Variants in SLC10A2 observed in about 807,000 individuals in gnomAD.
SLC10A2 encodes the protein ileal sodium/bile acid cotransporter.
A neutral mutation model predicts 27.1 loss-of-function variants in SLC10A2; 34 were observed. The ratio of observed to expected loss-of-function variants is 1.26; its 90% CI spans 0.96 to 1.67. SLC10A2 has a LOEUF of 1.67. SLC10A2 is among the 40% of genes most tolerant of loss of function. The pLI is 0.00. For missense variants in SLC10A2, 530 were observed against 444.4 expected, an observed-to-expected ratio of 1.19 and a Z score of -1.73; for synonymous variants, 205 against 174.0, an observed-to-expected ratio of 1.18 and a Z score of -1.40.
chr13:103,051,370 G>A lies in SLC10A2; in HGVS notation c.648C>T (p.Tyr216=). The change falls in exon 4 of 6, where the codon TAC becomes TAT. Residue 216 remains tyrosine, a synonymous_variant. Coordinates refer to ENST00000245312, the MANE Select transcript of SLC10A2 (RefSeq NM_000452.3). ...VLIAVVGGIL[Y]QSAWIIAPKL... ...TGGGAGCAATGATCCAGGCGCTTTG[G>A]TACAATATTCCTCCAACCACAGCTA... is the stretch of plus-strand genomic sequence containing the variant. 1.2e-6 allele frequency: 2 copies of A among 1,613,954 alleles called. No individual in the cohort carries two copies. The highest frequency in any genetic ancestry group is 2.2e-5 in the South Asian group (2 of 91,070).
intron 5 of SLC10A2, among the ~76,000 whole-genome samples, chr13:103,046,981 ATAGT>A: frequency 6.6e-6 from 1 of 152,296 alleles, no homozygotes; most frequent in South Asian, 2.1e-4. Flanking sequence ...AGTTTTATCC[ATAGT>A]TAAAGTGCTA....
At chr13:103,061,863 T>G (rs971270909) in intron 1 of SLC10A2, among the ~76,000 whole-genome samples, 1 of 152,094 alleles carries the variant, frequency 6.6e-6, no homozygotes, top group African/African-American at 2.4e-5. Context: ...TAAGAAATAA[T>G]ATAGAAGCCT....
intron 2 of SLC10A2, among the ~76,000 whole-genome samples, chr13:103,053,440 C>A (rs541416499): frequency 6.6e-6 from 1 of 152,196 alleles, no homozygotes; most frequent in African/African-American, 2.4e-5. Flanking sequence ...ACTTCAATTT[C>A]ACCATGTTAA....
At position 103,044,553 on chromosome 13, in the gene SLC10A2, G is replaced by C. The variant is rs972303982; in HGVS notation, c.*1580C>G. ...TGAAGTACTTATTCAACTGTAAATG[G>C]AAATCTTGCATAAAAAGATCAATGT... On this transcript the variant is annotated 3_prime_UTR_variant, in exon 6 of 6. Transcript: ENST00000245312. 1.3e-5 allele frequency: 2 copies of C among 152,120 alleles called. No homozygotes were observed. Among genetic ancestry groups the C allele is most frequent in the African/African-American group, 4.8e-5 (2 of 41,424 alleles). 9.4% of individuals were successfully genotyped at this position (152,120 alleles called of 1,614,324 possible).
chr13:103,051,800 T>A (rs868420270), intron 3 of SLC10A2, among the ~76,000 whole-genome samples: 3 of 152,240 alleles, frequency 2.0e-5, no homozygotes. Context: ...TCAGGAACTT[T>A]CTGAACTGTA....
Position 103,049,448 on chromosome 13 carries a change from T to C in SLC10A2, c.762-2A>G. ...GTTTCAAAAGCAACCGTTCGGCACC[T>C]AAAGAAGATGTTAAGAGAGCACATG... On this transcript the variant is annotated splice_acceptor_variant, in intron 4 of 5. Coordinates refer to ENST00000245312, the MANE Select transcript of SLC10A2 (RefSeq NM_000452.3). LOFTEE classifies it high-confidence loss of function. 1 of 1,613,848 alleles carries C rather than the reference T, an allele frequency of 6.2e-7. No homozygotes were observed. Among genetic ancestry groups the C allele is most frequent in the Non-Finnish European group, 8.5e-7 (1 of 1,179,824 alleles).
chr13:103,066,242 T>A lies in SLC10A2; in HGVS notation c.8A>T (p.Asp3Val), dbSNP rs755325963. Residue 3 changes from aspartate to valine, a missense_variant, in exon 1 of 6, where the codon GAT (aspartate) becomes GTT (valine). Coordinates refer to ENST00000245312, the MANE Select transcript of SLC10A2 (RefSeq NM_000452.3). The stretch of plus-strand genomic sequence containing the variant: ...TGCATTGTCCACACAGCTGTTCGGA[T>A]CATTCATTGCTGGGTCTGCTGCTGG... MN[D>V]PNSCVDNATV... is the part of the protein sequence containing the mutation. 12 of 1,603,572 alleles carry A rather than the reference T, an allele frequency of 7.5e-6. No individual in the cohort carries two copies. The highest frequency in any genetic ancestry group is 1.0e-5 in the Non-Finnish European group (12 of 1,172,258).
Position 103,052,613 on chromosome 13 carries a change from T to C in SLC10A2, c.585+7A>G. The C allele has an allele frequency of 6.4e-7, 1 of 1,567,714 alleles. No individual in the cohort carries two copies. The highest frequency in any genetic ancestry group is 1.1e-5 in the South Asian group (1 of 90,076). Reference sequence around the variant, plus strand: ...GAATATTTAATGGTGTGAACTGGGATACTTACTTTAAGTATGATCTTTGCT... The same window carrying C: ...GAATATTTAATGGTGTGAACTGGGACACTTACTTTAAGTATGATCTTTGCT... On this transcript the variant is annotated splice_region_variant and intron_variant, in intron 3 of 5. Transcript: ENST00000245312.
chr13:103,056,131 C>T (rs1460152125), intron 2 of SLC10A2, among the ~76,000 whole-genome samples: 3 of 152,242 alleles, frequency 2.0e-5, no homozygotes, highest in Admixed American at 2.0e-4. Context: ...GGTGTGCTGT[C>T]ACCATTGTGC....
At chr13:103,058,529 T>A in intron 1 of SLC10A2, 147 bp from the exon 2 acceptor site, 1 of 673,064 alleles carries the variant, frequency 1.5e-6, no homozygotes. Context: ...GTCATGGGGG[T>A]TTGTTGTACA....
intron 5 of SLC10A2, among the ~76,000 whole-genome samples, chr13:103,047,540 C>A (rs1281358102): frequency 7.8e-6 from 1 of 128,682 alleles, no homozygotes; most frequent in East Asian, 2.8e-4. Flanking sequence ...CCCTCCCTCT[C>A]TCCCTCCCCC....
At chr13:103,049,540 A>C (rs1875712625) in intron 4 of SLC10A2, 94 bp from the exon 5 acceptor site, 3 of 1,277,284 alleles carry the variant, frequency 2.3e-6, no homozygotes, top group Non-Finnish European at 3.4e-6. Flanking sequence ...TATATGCATT[A>C]TGTCTCTGCT....
In SLC10A2 at chr13:103,052,679, C is replaced by T. The variant is rs1566512082; in HGVS notation, c.526G>A (p.Val176Ile). 6.2e-6 allele frequency: 10 copies of T among 1,612,052 alleles called. 1 individual carries two copies. Among genetic ancestry groups the T allele is most frequent in the Non-Finnish European group, 8.5e-6 (10 of 1,178,412 alleles). ...TGATTAACAAACATTCCAATGGAAA[C>T]AGGAACAACGAGAGAAACCAGAGAT... The part of the protein sequence containing the change: ...GTSLVSLVVP[V>I]SIGMFVNHKW... The change falls in exon 3 of 6, where the codon GTT becomes ATT. Residue 176 changes from valine to isoleucine, a missense_variant. Val to Ile is a conservative substitution (Grantham distance 29). Coordinates refer to ENST00000245312, the MANE Select transcript of SLC10A2 (RefSeq NM_000452.3).
chr13:103,052,693 G>T lies in SLC10A2; in HGVS notation c.512C>A (p.Ser171Tyr), dbSNP rs777025911. Reference protein sequence around the residue: ...PYDNIGTSLVSLVVPVSIGMF... With the variant: ...PYDNIGTSLVYLVVPVSIGMF... Reference sequence around the variant, plus strand: ...TCCAATGGAAACAGGAACAACGAGAGAAACCAGAGATGTACCTAAAGATGA... The same window carrying T: ...TCCAATGGAAACAGGAACAACGAGATAAACCAGAGATGTACCTAAAGATGA... The change falls in exon 3 of 6, where the codon TCT becomes TAT. Residue 171 changes from serine to tyrosine, a missense_variant. Ser to Tyr is a moderately radical substitution (Grantham distance 144). Coordinates refer to ENST00000245312, the MANE Select transcript of SLC10A2 (RefSeq NM_000452.3). 1.9e-6 allele frequency: 3 copies of T among 1,606,770 alleles called. No homozygotes were observed. Among genetic ancestry groups the T allele is most frequent in the Middle Eastern group, 1.7e-4 (1 of 6,060 alleles).
intron 1 of SLC10A2, among the ~76,000 whole-genome samples, chr13:103,062,967 A>C (rs1886927): frequency 0.88 from 133,112 of 152,046 alleles, 58,428 homozygotes; most frequent in Non-Finnish European, 0.91. Flanking sequence ...AGAGCAGACA[A>C]AAAGGAGATA....
At position 103,049,400 on chromosome 13, in the gene SLC10A2, A is replaced by G. The variant is rs775791678; in HGVS notation, c.808T>C (p.Cys270Arg). 5 of 1,614,106 alleles carry G rather than the reference A, an allele frequency of 3.1e-6. No individual in the cohort carries two copies. In the South Asian group the frequency reaches 5.5e-5, roughly 18 times the overall value. The change falls in exon 5 of 6, where the codon TGT becomes CGT. Residue 270 changes from cysteine (C) to arginine (R), a missense_variant. Transcript: ENST00000245312. The part of the protein sequence containing the change: ...FETGMQNTQL[C>R]STIVQLSFTP... ...AAGGAGAGCTGAACGATGGTGGAAC[A>G]TAGCTGCGTGTTCTGCATCCCCGTT...
Position 103,051,583 on chromosome 13 carries a change from A to C in SLC10A2, c.586-151T>G. On this transcript the variant is annotated intron_variant, in intron 3 of 5. Coordinates refer to ENST00000245312, the MANE Select transcript of SLC10A2 (RefSeq NM_000452.3). ...TATGTACTCCAAGCCAGGAGGCTGCAATCAGCCCACTGGAAATACTGACGC... is the reference window on the plus strand; with the variant it reads ...TATGTACTCCAAGCCAGGAGGCTGCCATCAGCCCACTGGAAATACTGACGC... 8 of 811,372 alleles carry C rather than the reference A, an allele frequency of 9.9e-6. No individual in the cohort carries two copies. In the South Asian group the frequency reaches 1.2e-4, roughly 12 times the overall value. 50.3% of individuals were successfully genotyped at this position (811,372 alleles called of 1,614,324 possible).
intron 5 of SLC10A2, among the ~76,000 whole-genome samples, chr13:103,047,357 T>C (rs1875642733): frequency 6.6e-6 from 1 of 152,180 alleles, no homozygotes; most frequent in Non-Finnish European, 1.5e-5. Flanking sequence ...AACCACACTA[T>C]TGAATTTAAT....
chr13:103,057,810 T>C (rs1349551972), intron 2 of SLC10A2, among the ~76,000 whole-genome samples: 2 of 150,524 alleles, frequency 1.3e-5, no homozygotes, highest in East Asian at 3.9e-4. Flanking sequence ...ACCCAGGGGG[T>C]GAAATTTGCA....
Sources: allele counts gnomAD v4.1 joint callset (sites outside exome capture counted in the v4.1 genomes callset), GRCh38; gene constraint gnomAD v4.1.1; transcripts MANE v1.5; gene names NCBI Gene and HGNC (gene_info 2026-07-23, HGNC 2026-07-21).